Variants in PTGER4 observed in about 807,000 individuals in gnomAD.
PTGER4 encodes the protein prostaglandin E receptor 4.
PTGER4 carries 11 observed loss-of-function variants against 33.2 expected under a neutral mutation model. The ratio of observed to expected loss-of-function variants is 0.33; its 90% confidence interval spans 0.21 to 0.55. PTGER4 has a LOEUF of 0.55. Among genes scored for constraint, PTGER4 ranks in the 20% least tolerant of loss-of-function variants. PTGER4 has a pLI of 0.92. For synonymous variants in PTGER4, 275 were observed against 281.5 expected, an observed-to-expected ratio of 0.98 and a Z score of 0.23; for missense variants, 481 against 650.2, an observed-to-expected ratio of 0.74 and a Z score of 2.83.
the PTGER4 span, chr5:40,730,134 T>C: frequency 3.9e-5 from 26 of 668,928 alleles, no homozygotes; most frequent in African/African-American, 4.7e-4. Flanking sequence ...GGTGAAATAT[T>C]TTTTCCCAAA....
chr5:40,706,114 G>A, the PTGER4 span, among the ~76,000 whole-genome samples: 1 of 152,058 alleles, frequency 6.6e-6, no homozygotes, highest in Admixed American at 6.6e-5. Context: ...AAGAAAATAT[G>A]GTACATATAC....
the PTGER4 span, among the ~76,000 whole-genome samples, chr5:40,744,635 C>G: frequency 2.0e-5 from 3 of 152,054 alleles, no homozygotes; most frequent in African/African-American, 7.2e-5. Flanking sequence ...TCTGGATGAT[C>G]TGAAGTGTAT....
the PTGER4 span, chr5:40,716,417 T>A: frequency 6.2e-7 from 1 of 1,613,930 alleles, no homozygotes; most frequent in Admixed American, 1.7e-5. Context: ...TCCTGGAGCG[T>A]TCTTGCCCAA....
the PTGER4 span, among the ~76,000 whole-genome samples, chr5:40,707,566 C>A: frequency 3.3e-5 from 5 of 152,068 alleles, no homozygotes; most frequent in Admixed American, 1.3e-4. Flanking sequence ...ACTTAGACTC[C>A]CACACAAAAA....
At chr5:40,703,283 A>C in the PTGER4 span, among the ~76,000 whole-genome samples, 1 of 152,164 alleles carries the variant, frequency 6.6e-6, no homozygotes, top group African/African-American at 2.4e-5. Flanking sequence ...GATCCAAATA[A>C]ACACAATTAG....
At chr5:40,686,426 C>A (rs1253578894) in intron 2 of PTGER4, among the ~76,000 whole-genome samples, 2 of 152,164 alleles carry the variant, frequency 1.3e-5, no homozygotes, top group Non-Finnish European at 2.9e-5. Context: ...TTATTGATAC[C>A]TTCCACACTG....
the PTGER4 span, among the ~76,000 whole-genome samples, chr5:40,703,681 G>C: frequency 6.6e-6 from 1 of 151,948 alleles, no homozygotes; most frequent in Non-Finnish European, 1.5e-5. Context: ...GAGGTGGACA[G>C]ATCACAAGGT....
chr5:40,705,730 A>T, the PTGER4 span, among the ~76,000 whole-genome samples: 1 of 152,224 alleles, frequency 6.6e-6, no homozygotes, highest in Admixed American at 6.5e-5. Flanking sequence ...AAAAAAGCTC[A>T]ATATCACTGA....
chr5:40,725,588 C>G, the PTGER4 span, among the ~76,000 whole-genome samples: 2 of 152,134 alleles, frequency 1.3e-5, no homozygotes, highest in Non-Finnish European at 2.9e-5. Context: ...AAGCTAGTTC[C>G]AGCACTGAAG....
chr5:40,691,993 A>G lies in PTGER4; in HGVS notation c.1082A>G (p.Gln361Arg). ...GGGTCCCGCAGGGAGCGCTCCGGAC[A>G]GCACTGCTCAGACAGTCAAAGGACA... Reference protein sequence around the residue: ...IGGSRRERSGQHCSDSQRTSS... With the variant: ...IGGSRRERSGRHCSDSQRTSS... The change falls in exon 3 of 3, where the codon CAG becomes CGG. Residue 361 changes from glutamine to arginine, a missense_variant. Coordinates refer to ENST00000302472, the MANE Select transcript of PTGER4 (RefSeq NM_000958.3). The surrounding 1 kb of genome is among the most constrained non-coding windows in gnomAD (Gnocchi z 4.2). 6.2e-7 allele frequency: 1 copy of G among 1,614,124 alleles called. No individual in the cohort carries two copies. Among genetic ancestry groups the G allele is most frequent in the Non-Finnish European group, 8.5e-7 (1 of 1,180,030 alleles).
At position 40,692,234 on chromosome 5, in the gene PTGER4, C is replaced by T. The variant is rs576231955; in HGVS notation, c.1323C>T (p.Asp441=). 1 of 1,614,232 alleles carries T rather than the reference C, an allele frequency of 6.2e-7. No individual in the cohort carries two copies. Among genetic ancestry groups the T allele is most frequent in the African/African-American group, 1.3e-5 (1 of 75,064 alleles). ...LRTLRISETS[D]SSQGQDSESV... ...CTTTGCGAATATCAGAGACCTCAGA[C>T]TCTTCACAGGGTCAGGACTCAGAGA... Residue 441 remains aspartate (D), a synonymous_variant, in exon 3 of 3, where the codon GAC becomes GAT. Coordinates refer to ENST00000302472, the MANE Select transcript of PTGER4 (RefSeq NM_000958.3).
chr5:40,717,201 C>A, the PTGER4 span, among the ~76,000 whole-genome samples: 2 of 138,376 alleles, frequency 1.4e-5, no homozygotes, highest in African/African-American at 5.3e-5. Context: ...TGCACTCCAG[C>A]CTGGGCAAAA....
the PTGER4 span, among the ~76,000 whole-genome samples, chr5:40,736,000 C>T: frequency 6.6e-6 from 1 of 152,082 alleles, no homozygotes; most frequent in Non-Finnish European, 1.5e-5. Flanking sequence ...TGGATGTTAT[C>T]AGGGTATGTT....
intron 2 of PTGER4, among the ~76,000 whole-genome samples, chr5:40,687,804 G>A (rs1049713130): frequency 6.6e-6 from 1 of 152,012 alleles, no homozygotes; most frequent in Non-Finnish European, 1.5e-5. Flanking sequence ...CCCCTTTATT[G>A]AAAAGACATT....
At chr5:40,697,276 AAGAAAGAAAG>A (rs1561134535), downstream of PTGER4, among the ~76,000 whole-genome samples, 15 of 136,142 alleles carry the variant, frequency 1.1e-4, no homozygotes, top group Non-Finnish European at 1.7e-4. Flanking sequence ...GAAAGAAAGA[AAGAAAGAAAG>A]AAAGAAAGAA....
chr5:40,709,457 C>T, the PTGER4 span, among the ~76,000 whole-genome samples: 1 of 152,042 alleles, frequency 6.6e-6, no homozygotes, highest in Non-Finnish European at 1.5e-5. Flanking sequence ...AATAAAATAC[C>T]TAGGAATCTA....
At position 40,686,121 on chromosome 5, in the gene PTGER4, C is replaced by T. The variant is rs537264034; in HGVS notation, c.867+4261C>T. On this transcript the variant is annotated intron_variant, in intron 2 of 2. Transcript: ENST00000302472. Reference sequence around the variant, plus strand: ...AGAAAGTGATAAGAACTTCTAGTAACAGCTGTGTCAATTTTGGACTCTTAA... The same window carrying T: ...AGAAAGTGATAAGAACTTCTAGTAATAGCTGTGTCAATTTTGGACTCTTAA... 3.3e-5 allele frequency among the ~76,000 whole-genome samples: 5 copies of T among 152,270 alleles called. No individual in the cohort carries two copies. In the East Asian group the frequency reaches 9.6e-4, roughly 29 times the overall value.
the PTGER4 span, chr5:40,716,458 A>G: frequency 2.5e-6 from 4 of 1,613,172 alleles, no homozygotes; most frequent in Non-Finnish European, 2.5e-6. Flanking sequence ...TTCAGGGTTC[A>G]TTGGATAGAT....
the PTGER4 span, among the ~76,000 whole-genome samples, chr5:40,707,575 A>C: frequency 1.3e-5 from 2 of 152,144 alleles, no homozygotes; most frequent in Non-Finnish European, 2.9e-5. Context: ...CCCACACAAA[A>C]ATAATGGGAG....
Sources: gnomAD v4.1 joint callset for allele counts (sites outside exome capture counted in the v4.1 genomes callset) on GRCh38, gnomAD v4.1.1 for gene constraint, Gnocchi (gnomAD v3.1) non-coding constraint, MANE v1.5 for transcripts, NCBI Gene and HGNC (gene_info 2026-07-23, HGNC 2026-07-21) for gene names.